The following TFAM variants were observed in gnomAD, a reference collection of about 807,000 sequenced individuals.
TFAM encodes the protein mitochondrial transcription factor 1.
A neutral mutation model predicts 30.6 loss-of-function variants in TFAM; 13 were observed. The ratio of observed to expected loss-of-function variants is 0.42; its 90% confidence interval spans 0.28 to 0.67. The LOEUF (loss-of-function observed/expected upper bound fraction) is 0.67. Among genes scored for constraint, TFAM ranks in the 30% least tolerant of loss-of-function variants. The pLI, the probability that TFAM is intolerant of heterozygous loss-of-function variation, is 0.21. For synonymous variants in TFAM, 106 were observed against 94.8 expected (o/e 1.12, Z -0.69); for missense variants, 231 against 293.7 (o/e 0.79, Z 1.56).
chr10:58,394,567 A>G, intron 6 of TFAM, 153 bp downstream of exon 6: 1 of 823,088 alleles, frequency 1.2e-6, no homozygotes, highest in Non-Finnish European at 2.1e-6. Context: ...CCAGTTTGGC[A>G]TTTTTCTCTT....
rs1840702122 is a variant in TFAM, at chr10:58,397,315, T to C, written c.*2241T>C. Reference sequence around the variant, plus strand: ...GCGGGGAAATTTCCTCTGAGTTCTTTTAACATTAACTACCCGTATTATTTT... The same window carrying C: ...GCGGGGAAATTTCCTCTGAGTTCTTCTAACATTAACTACCCGTATTATTTT... On this transcript the variant is annotated 3_prime_UTR_variant, in exon 7 of 7. Coordinates refer to ENST00000487519, the MANE Select transcript of TFAM (RefSeq NM_003201.3). The C allele has an allele frequency of 6.6e-6, 1 of 152,136 alleles. No individual in the cohort carries two copies. Among genetic ancestry groups the C allele is most frequent in the African/African-American group, 2.4e-5 (1 of 41,434 alleles). 9.4% of individuals were successfully genotyped at this position (152,136 alleles called of 1,614,324 possible).
Position 58,397,610 on chromosome 10 carries a change from A to C in TFAM, c.*2536A>C, listed in dbSNP as rs949350305. On this transcript the variant is annotated 3_prime_UTR_variant, in exon 7 of 7. Transcript: ENST00000487519. ...ACATCCAGAATACACACTGGATCCA[A>C]GCCTTTCTTAAACATCAGTACATGT... The C allele has an allele frequency of 6.6e-6, 1 of 152,146 alleles. No individual in the cohort carries two copies. The highest frequency in any genetic ancestry group is 6.5e-5 in the Admixed American group (1 of 15,276). 9.4% of individuals were successfully genotyped at this position (152,146 alleles called of 1,614,324 possible).
intron 3 of TFAM, 57 bp from the exon 4 acceptor site, chr10:58,388,613 G>A: frequency 6.3e-7 from 1 of 1,592,016 alleles, no homozygotes; most frequent in Non-Finnish European, 8.6e-7. Context: ...CCTGGCATGT[G>A]CTATGTTGAA....
intron 5 of TFAM, 104 bp downstream of exon 5, chr10:58,390,964 A>G (rs533615352): frequency 9.6e-7 from 1 of 1,039,060 alleles, no homozygotes; most frequent in African/African-American, 1.6e-5. Context: ...ATATCCAGAC[A>G]GTAAACTCTT....
intron 5 of TFAM, among the ~76,000 whole-genome samples, chr10:58,393,155 A>AT (rs1589014288): frequency 6.7e-6 from 1 of 150,030 alleles, no homozygotes; most frequent in East Asian, 2.0e-4. Flanking sequence ...AATTTTTTAT[A>AT]TTTTTAGTAG....
intron 4 of TFAM, among the ~76,000 whole-genome samples, chr10:58,389,793 TAG>T (rs1435203796): frequency 5.9e-5 from 9 of 152,106 alleles, no homozygotes; most frequent in African/African-American, 2.2e-4. Flanking sequence ...GTGCTAAGAG[TAG>T]AGAGGACCAG....
chr10:58,390,622 G>GTAA, intron 4 of TFAM, 143 bp from the exon 5 acceptor site: 1 of 674,424 alleles, frequency 1.5e-6, no homozygotes, highest in Non-Finnish European at 2.5e-6. Context: ...ACCGCAAGAT[G>GTAA]TAATAATCAC....
intron 4 of TFAM, among the ~76,000 whole-genome samples, chr10:58,390,420 C>T (rs1840569736): frequency 6.6e-6 from 1 of 152,072 alleles, no homozygotes; most frequent in South Asian, 2.1e-4. Flanking sequence ...GTGATTTGGT[C>T]AAGGGGACAG....
chr10:58,385,453 G>A lies in TFAM; in HGVS notation c.-95G>A. 1 of 923,270 alleles carries A rather than the reference G, an allele frequency of 1.1e-6. No individual in the cohort carries two copies. The highest frequency in any genetic ancestry group is 1.7e-6 in the Non-Finnish European group (1 of 581,156). The allele number at this position is 923,270 out of a possible 1,614,324, so 57.2% of individuals were successfully genotyped here. ...CGGGCATGATAACACACGCCGGAGG[G>A]TCGCACGCGGGTTCCAGTTGTGATT... On this transcript the variant is annotated 5_prime_UTR_variant, in exon 1 of 7. Transcript: ENST00000487519.
intron 3 of TFAM, 31 bp downstream of exon 3, chr10:58,388,291 CA>C: frequency 1.3e-6 from 2 of 1,579,358 alleles, no homozygotes. Flanking sequence ...CATTGCTGAC[CA>C]GTTATTCTGC....
chr10:58,385,698 G>A, intron 1 of TFAM, 50 bp downstream of exon 1: 3 of 1,406,484 alleles, frequency 2.1e-6, no homozygotes, highest in South Asian at 2.5e-5. Context: ...AGGACGTCCC[G>A]GGGTTGGAAT....
chr10:58,395,177 A>G lies in TFAM; in HGVS notation c.*103A>G, dbSNP rs1413724157. 23 of 1,194,282 alleles carry G rather than the reference A, an allele frequency of 1.9e-5. No individual in the cohort carries two copies. In the Admixed American group the frequency reaches 1.9e-4, roughly 10 times the overall value. 74.0% of individuals were successfully genotyped at this position (1,194,282 alleles called of 1,614,324 possible). A position where few individuals can be genotyped will look rare whatever the true frequency, so the allele number is the denominator to read the frequency against. The stretch of plus-strand genomic sequence containing the variant: ...AATTAAGAAAGGATAAAGTTGGTAA[A>G]CCTTTTATATTTAGTATCTTTTTAT... On this transcript the variant is annotated 3_prime_UTR_variant, in exon 7 of 7. Transcript: ENST00000487519.
chr10:58,387,504 T>C (rs142230686), intron 2 of TFAM, among the ~76,000 whole-genome samples: 4 of 152,320 alleles, frequency 2.6e-5, no homozygotes, highest in African/African-American at 7.2e-5. Flanking sequence ...GAGGCTGTGT[T>C]ATATGGATCG....
intron 5 of TFAM, among the ~76,000 whole-genome samples, chr10:58,392,968 T>C (rs968014527): frequency 1.3e-5 from 2 of 151,596 alleles, no homozygotes; most frequent in Non-Finnish European, 2.9e-5. Context: ...TGAGCCACTG[T>C]GCCTGACCCA....
At chr10:58,394,215 G>C (rs760534178) in intron 5 of TFAM, 143 bp from the exon 6 acceptor site, 2 of 693,440 alleles carry the variant, frequency 2.9e-6, no homozygotes, top group Non-Finnish European at 5.2e-6. Flanking sequence ...CAGTTTGATA[G>C]TTTTTGTTTA....
intron 2 of TFAM, chr10:58,386,604 G>C: frequency 8.4e-7 from 1 of 1,191,776 alleles, no homozygotes. Context: ...GGGCCTTGTT[G>C]CCTTTGGTCT....
Position 58,388,618 on chromosome 10 carries a change from G to A in TFAM, c.292-52G>A. 4 of 1,603,774 alleles carry A rather than the reference G, an allele frequency of 2.5e-6. No individual in the cohort carries two copies. The South Asian group carries it at 4.4e-5, about 18-fold the overall frequency. On this transcript the variant is annotated intron_variant, in intron 3 of 6. Transcript: ENST00000487519. The stretch of plus-strand genomic sequence containing the variant: ...GTTGCCTTTCCCTGGCATGTGCTAT[G>A]TTGAATTTGCCAGCAATGGTTTGTT...
intron 5 of TFAM, 34 bp from the exon 6 acceptor site, chr10:58,394,324 A>T (rs749734436): frequency 3.8e-5 from 58 of 1,536,094 alleles, no homozygotes; most frequent in Non-Finnish European, 5.0e-5. Flanking sequence ...AAGTCCCCAT[A>T]TCTACCTTAA....
chr10:58,393,784 A>T (rs1840636105), intron 5 of TFAM, among the ~76,000 whole-genome samples: 1 of 151,710 alleles, frequency 6.6e-6, no homozygotes, highest in African/African-American at 2.4e-5. Flanking sequence ...GGTCCCAGCT[A>T]CTCCAGAAGT....
Sources: allele counts gnomAD v4.1 joint callset (sites outside exome capture counted in the v4.1 genomes callset), GRCh38; gene constraint gnomAD v4.1.1; transcripts MANE v1.5; gene names NCBI Gene and HGNC (gene_info 2026-07-23, HGNC 2026-07-21).